Variants in MYO3A observed in about 807,000 individuals in gnomAD.
The protein encoded by MYO3A is myosin-IIIa.
MYO3A carries 180 observed loss-of-function variants against 192.7 expected under a neutral mutation model. That is an observed-to-expected ratio of 0.93 (90% CI 0.83 to 1.06). The LOEUF (loss-of-function observed/expected upper bound fraction) is 1.06. Among genes scored for constraint, MYO3A ranks in the 50% least tolerant of loss-of-function variants. MYO3A has a pLI of 0.00. For missense variants in MYO3A, 1,896 were observed against 1,905.0 expected (o/e 1.00, Z 0.09); for synonymous variants, 628 against 645.3 (o/e 0.97, Z 0.41).
intron 2 of MYO3A, among the ~76,000 whole-genome samples, chr10:25,946,764 G>T (rs7900700): frequency 1.3e-5 from 2 of 149,026 alleles, no homozygotes; most frequent in African/African-American, 4.9e-5. Context: ...CTGTAATCCC[G>T]CTACACGGGA....
At chr10:25,983,748 A>C (rs1839479235) in intron 4 of MYO3A, among the ~76,000 whole-genome samples, 1 of 152,236 alleles carries the variant, frequency 6.6e-6, no homozygotes, top group South Asian at 2.1e-4. Flanking sequence ...TCCAAATACA[A>C]GAAGCTCAGA....
intron 2 of MYO3A, among the ~76,000 whole-genome samples, chr10:25,946,881 A>G: frequency 7.3e-6 from 1 of 137,424 alleles, no homozygotes; most frequent in Non-Finnish European, 1.7e-5. Context: ...CCGTCTCAAA[A>G]AAAAAAAAAA....
intron 7 of MYO3A, among the ~76,000 whole-genome samples, chr10:26,020,106 G>A (rs1466494931): frequency 6.6e-6 from 1 of 151,928 alleles, no homozygotes; most frequent in African/African-American, 2.4e-5. Flanking sequence ...TGTCCTTCAG[G>A]TACTTAGAAA....
intron 1 of MYO3A, among the ~76,000 whole-genome samples, chr10:25,935,413 G>T (rs976597003): frequency 6.6e-6 from 1 of 152,092 alleles, no homozygotes; most frequent in Non-Finnish European, 1.5e-5. Flanking sequence ...CACACTAAGC[G>T]TTTTTGAAAA....
chr10:26,212,049 C>A lies in MYO3A; in HGVS notation c.*86C>A. On this transcript the variant is annotated 3_prime_UTR_variant, in exon 35 of 35. Transcript: ENST00000642920. ...CAAGCAGGCACTCTGGGGCTGGCAC[C>A]AGCAGGCACTGAAGCTGCGGCCCTG... 8 of 1,527,572 alleles carry A rather than the reference C, an allele frequency of 5.2e-6. 1 individual carries two copies. The South Asian group carries it at 9.9e-5, about 19-fold the overall frequency. The allele number at this position is 1,527,572 out of a possible 1,614,324, so 94.6% of individuals were successfully genotyped here. A position where few individuals can be genotyped will look rare whatever the true frequency, so the allele number is the denominator to read the frequency against.
intron 6 of MYO3A, among the ~76,000 whole-genome samples, chr10:26,005,043 C>A (rs550608629): frequency 2.6e-5 from 4 of 151,984 alleles, no homozygotes; most frequent in African/African-American, 9.7e-5. Flanking sequence ...TTAATTGTTT[C>A]GAAATATCTC....
intron 17 of MYO3A, among the ~76,000 whole-genome samples, chr10:26,112,123 T>C (rs1838223245): frequency 6.6e-6 from 1 of 152,248 alleles, no homozygotes; most frequent in Non-Finnish European, 1.5e-5. Context: ...GTTTTGCAGC[T>C]AGCATCTATT....
intron 6 of MYO3A, among the ~76,000 whole-genome samples, chr10:26,015,122 A>G (rs1297628152): frequency 6.6e-6 from 1 of 152,220 alleles, no homozygotes; most frequent in East Asian, 1.9e-4. Context: ...AGAAGCATTA[A>G]CATAAACCTA....
At chr10:26,092,238 C>G (rs192130687) in intron 15 of MYO3A, among the ~76,000 whole-genome samples, 2 of 152,138 alleles carry the variant, frequency 1.3e-5, no homozygotes, top group Admixed American at 6.5e-5. Context: ...GAGGCCGAGG[C>G]GGGTGGATCA....
At chr10:26,154,533 G>A (rs554618604) in intron 24 of MYO3A, among the ~76,000 whole-genome samples, 58 of 152,260 alleles carry the variant, frequency 3.8e-4, no homozygotes, top group African/African-American at 1.3e-3. Context: ...ATGTACTAGT[G>A]AAGATGAGAG....
At chr10:25,992,049 A>T (rs1840067697) in intron 4 of MYO3A, among the ~76,000 whole-genome samples, 1 of 152,190 alleles carries the variant, frequency 6.6e-6, no homozygotes, top group African/African-American at 2.4e-5. Flanking sequence ...AATTCTGTGA[A>T]GAAAGGCATT....
intron 23 of MYO3A, among the ~76,000 whole-genome samples, chr10:26,148,978 T>C (rs1840630735): frequency 6.6e-6 from 1 of 152,118 alleles, no homozygotes; most frequent in African/African-American, 2.4e-5. Context: ...TTCTTTTTTC[T>C]TGGTTGCACT....
At chr10:26,095,528 G>T (rs1564542883) in intron 15 of MYO3A, among the ~76,000 whole-genome samples, 1 of 152,170 alleles carries the variant, frequency 6.6e-6, no homozygotes, top group Admixed American at 6.5e-5. Context: ...TATAGAGCAG[G>T]AAGTTCATCC....
intron 31 of MYO3A, among the ~76,000 whole-genome samples, chr10:26,189,357 G>C (rs1187803422): frequency 6.6e-6 from 1 of 152,146 alleles, no homozygotes; most frequent in Non-Finnish European, 1.5e-5. Flanking sequence ...TGAATTTTGA[G>C]GTGACACAAT....
intron 17 of MYO3A, among the ~76,000 whole-genome samples, chr10:26,117,335 A>T (rs1338066622): frequency 2.0e-5 from 3 of 152,180 alleles, no homozygotes; most frequent in Non-Finnish European, 2.9e-5. Context: ...AAAAACTGTT[A>T]TTTAAGTTCA....
intron 10 of MYO3A, among the ~76,000 whole-genome samples, chr10:26,040,904 G>A (rs188743825): frequency 5.3e-5 from 8 of 152,148 alleles, no homozygotes; most frequent in African/African-American, 1.7e-4. Context: ...TATGTATTAG[G>A]TCTATTTCAT....
intron 4 of MYO3A, among the ~76,000 whole-genome samples, chr10:25,991,071 C>T (rs1468673768): frequency 2.6e-5 from 4 of 152,136 alleles, no homozygotes; most frequent in African/African-American, 4.8e-5. Context: ...AGTTCTAGAT[C>T]CCTGAGGAAT....
rs184749025 is a variant in MYO3A at position 26,000,317 on chromosome 10, C to T, written c.508+3059C>T. On this transcript the variant is annotated intron_variant, in intron 6 of 34. Coordinates refer to ENST00000642920, the MANE Select transcript of MYO3A (RefSeq NM_017433.5). Reference sequence around the variant, plus strand: ...TACACTTGTAACTTGGAAAATACTTCGAAATTTATTGACGTGCTTTTTCTT... The same window carrying T: ...TACACTTGTAACTTGGAAAATACTTTGAAATTTATTGACGTGCTTTTTCTT... Among the ~76,000 whole-genome samples the T allele has an allele frequency of 4.8e-4, 73 of 152,292 alleles. 2 individuals carry two copies. The East Asian group carries it at 9.1e-3, about 19-fold the overall frequency.
At chr10:26,007,878 A>T (rs1328540918) in intron 6 of MYO3A, among the ~76,000 whole-genome samples, 2 of 152,086 alleles carry the variant, frequency 1.3e-5, no homozygotes, top group African/African-American at 2.4e-5. Flanking sequence ...ATTGGAAAAA[A>T]CTACTTTACA....
Sources: gnomAD v4.1 joint callset for allele counts (sites outside exome capture counted in the v4.1 genomes callset) on GRCh38, gnomAD v4.1.1 for gene constraint, MANE v1.5 for transcripts, NCBI Gene and HGNC (gene_info 2026-07-23, HGNC 2026-07-21) for gene names.